The following ZNF414 variants were observed in gnomAD, a reference collection of about 807,000 sequenced individuals.
ZNF414 encodes zinc finger protein 414.
ZNF414 carries 32 observed loss-of-function variants against 38.3 expected under a neutral mutation model. That is an observed-to-expected ratio of 0.83 (90% CI 0.63 to 1.12). ZNF414 has a LOEUF of 1.12. ZNF414 is among the 50% of genes most tolerant of loss of function. ZNF414 has a pLI of 0.00. For missense variants in ZNF414, 589 were observed against 557.4 expected, an observed-to-expected ratio of 1.06 and a Z score of -0.57; for synonymous variants, 256 against 248.0, an observed-to-expected ratio of 1.03 and a Z score of -0.30.
chr19:8,512,266 C>A, intron 4 of ZNF414, 121 bp downstream of exon 4: 1 of 1,465,266 alleles, frequency 6.8e-7, no homozygotes, highest in Non-Finnish European at 9.2e-7. Context: ...GGGGCTTCCC[C>A]AAAGGCCCAC....
chr19:8,512,428 C>T lies in ZNF414; in HGVS notation c.489G>A (p.Val163=). The T allele has an allele frequency of 6.2e-7, 1 of 1,614,098 alleles. No individual in the cohort carries two copies. Among genetic ancestry groups the T allele is most frequent in the Non-Finnish European group, 8.5e-7 (1 of 1,180,018 alleles). The change falls in exon 4 of 8, where the codon GTG becomes GTA. Residue 163 remains valine, a synonymous_variant. Coordinates refer to ENST00000393927, the MANE Select transcript of ZNF414 (RefSeq NM_001146175.2). The part of the protein sequence containing the change: ...TETFPSMQEL[V]AHSKLHYKPN... ...GTTTGTAGTGCAGTTTGCTGTGAGC[C>T]ACCAGCTCCTGCATGCTGGGGAAGG...
Position 8,513,256 on chromosome 19 carries a change from G to A in ZNF414, c.89C>T (p.Pro30Leu), listed in dbSNP as rs780401276. ...SSETDKEVLS[P>L]AVPAAAPSSS... The stretch of plus-strand genomic sequence containing the variant: ...GGAAGGGGCTGCAGCTGGCACAGCC[G>A]GGGACAACACCTCCTTGTCGGTCTC... Residue 30 changes from proline to leucine, a missense_variant, in exon 2 of 8, where the codon CCG (proline) becomes CTG (leucine). Pro to Leu is a moderately conservative substitution (Grantham distance 98). Coordinates refer to ENST00000393927, the MANE Select transcript of ZNF414 (RefSeq NM_001146175.2). The A allele has an allele frequency of 1.1e-5, 17 of 1,593,686 alleles. No individual in the cohort carries two copies. Among genetic ancestry groups the A allele is most frequent in the South Asian group, 3.3e-5 (3 of 89,706 alleles).
Position 8,512,488 on chromosome 19 carries a change from C to A in ZNF414, c.429G>T (p.Lys143Asn). 1 of 1,614,108 alleles carries A rather than the reference C, an allele frequency of 6.2e-7. No homozygotes were observed. Among genetic ancestry groups the A allele is most frequent in the Non-Finnish European group, 8.5e-7 (1 of 1,180,012 alleles). Residue 143 changes from lysine to asparagine, a missense_variant, in exon 4 of 8, where the codon AAG becomes AAT. Coordinates refer to ENST00000393927, the MANE Select transcript of ZNF414 (RefSeq NM_001146175.2). ...AGCTCAGGGCTGAGCAGCGGAAGAG[C>A]TTGCCTGGTAGGGATGAAGGACAGA... Reference protein sequence around the residue: ...HCPPTQSLEGKLFRCSALSCT... With the variant: ...HCPPTQSLEGNLFRCSALSCT...
At chr19:8,511,386 G>A (rs1256687578) in intron 6 of ZNF414, 100 bp downstream of exon 6, 3 of 1,515,002 alleles carry the variant, frequency 2.0e-6, no homozygotes, top group African/African-American at 1.4e-5. Flanking sequence ...GTGCCCCCTG[G>A]GAAGGGGATG....
Position 8,512,377 on chromosome 19 carries a change from A to G in ZNF414, c.530+10T>C, listed in dbSNP as rs760989636. The G allele has an allele frequency of 3.1e-6, 5 of 1,613,176 alleles. No homozygotes were observed. The South Asian group carries it at 5.5e-5, about 18-fold the overall frequency. On this transcript the variant is annotated intron_variant, in intron 4 of 7. Coordinates refer to ENST00000393927, the MANE Select transcript of ZNF414 (RefSeq NM_001146175.2). ...AGGGCAGGGCGGAGCTCAAGAGGTCAGGGTCTCACTTGAAGTAGCGATTGG... is the reference window on the plus strand; with the variant it reads ...AGGGCAGGGCGGAGCTCAAGAGGTCGGGGTCTCACTTGAAGTAGCGATTGG...
At chr19:8,511,462 T>G in intron 6 of ZNF414, 24 bp downstream of exon 6, 4 of 1,608,940 alleles carry the variant, frequency 2.5e-6, no homozygotes, top group Non-Finnish European at 3.4e-6. Flanking sequence ...CCTCCACCCC[T>G]CCCTGGTGGT....
In ZNF414 at chr19:8,513,921, G is replaced by A. The variant is rs374724620; in HGVS notation, c.3+123C>T. 3.1e-5 allele frequency: 38 copies of A among 1,207,674 alleles called. 3 individuals carry two copies. The highest frequency in any genetic ancestry group is 1.3e-4 in the Admixed American group (3 of 23,944). The allele number at this position is 1,207,674 out of a possible 1,614,324, so 74.8% of individuals were successfully genotyped here. A position where few individuals can be genotyped will look rare whatever the true frequency, so the allele number is the denominator to read the frequency against. ...GAAGTAGGGCGCTCTCCGAGTGACA[G>A]CCAGCGGCGGACGGGTGCCCGGATG... On this transcript the variant is annotated intron_variant, in intron 1 of 7. Transcript: ENST00000393927.
At chr19:8,513,563 G>T (rs1419631896) in intron 1 of ZNF414, among the ~76,000 whole-genome samples, 2 of 152,190 alleles carry the variant, frequency 1.3e-5, no homozygotes, top group African/African-American at 4.8e-5. Context: ...AAAGTGCTGG[G>T]ATTAGAGTCG....
chr19:8,512,141 C>CCCGGGGAAAT, intron 4 of ZNF414, 181 bp from the exon 5 acceptor site: 1 of 1,426,808 alleles, frequency 7.0e-7, no homozygotes. Context: ...CCTGGGGAAA[C>CCCGGGGAAAT]CCGGAAAGAA....
At position 8,511,738 on chromosome 19, in the gene ZNF414, T is replaced by C; in HGVS notation, c.753A>G (p.Gly251=). ...CAGGGTTCAAGTAGGGCAGGAACGG[T>C]CCGGTGGGGGCAGGGGCGGGGGTCG... is the stretch of plus-strand genomic sequence containing the variant. ...PFTTPAPAPT[G]PFLPYLNPAP... The change falls in exon 5 of 8, where the codon GGA becomes GGG. Residue 251 remains glycine (G), a synonymous_variant. Transcript: ENST00000393927. 1 of 1,463,092 alleles carries C rather than the reference T, an allele frequency of 6.8e-7. No homozygotes were observed. The highest frequency in any genetic ancestry group is 9.0e-7 in the Non-Finnish European group (1 of 1,113,838). The allele number at this position is 1,463,092 out of a possible 1,614,324, so 90.6% of individuals were successfully genotyped here.
chr19:8,512,801 A>T (rs1971936976), intron 2 of ZNF414, 90 bp from the exon 3 acceptor site: 1 of 1,286,114 alleles, frequency 7.8e-7, no homozygotes, highest in South Asian at 1.6e-5. Flanking sequence ...AGCAAATATG[A>T]TGTGCTGGGG....
At position 8,511,809 on chromosome 19, in the gene ZNF414, G is replaced by A. The variant is rs1396670152; in HGVS notation, c.682C>T (p.Pro228Ser). The change falls in exon 5 of 8, where the codon CCC (proline) becomes TCC (serine). Residue 228 changes from proline to serine, a missense_variant. Coordinates refer to ENST00000393927, the MANE Select transcript of ZNF414 (RefSeq NM_001146175.2). The part of the protein sequence containing the change: ...PAPERPPEVD[P>S]ASAPGLPFPL... ...AACGGCAGGCCCGGCGCTGATGCGG[G>A]GTCAACCTCCGGGGGGCGCTCCGGC... The A allele has an allele frequency of 3.6e-6, 5 of 1,405,270 alleles. No individual in the cohort carries two copies. The highest frequency in any genetic ancestry group is 3.7e-6 in the Non-Finnish European group (4 of 1,088,386). 87.1% of individuals were successfully genotyped at this position (1,405,270 alleles called of 1,614,324 possible).
In ZNF414 at chr19:8,511,950, A is replaced by G; in HGVS notation, c.541T>C (p.Cys181Arg). ...CGGTGCGTGCGGAAGCGCAGGAGGC[A>G]GTTCTCACACCTGGAGGTGGGCAGA... ...KPNRYFKCEN[C>R]LLRFRTHRSL... The change falls in exon 5 of 8, where the codon TGC becomes CGC. Residue 181 changes from cysteine (C) to arginine (R), a missense_variant. By Grantham distance (180) the Cys-to-Arg change is radical (BLOSUM62 -3). Transcript: ENST00000393927. 2.1e-6 allele frequency: 3 copies of G among 1,416,090 alleles called. No individual in the cohort carries two copies. Among genetic ancestry groups the G allele is most frequent in the Non-Finnish European group, 2.7e-6 (3 of 1,093,478 alleles). The allele number at this position is 1,416,090 out of a possible 1,614,324, so 87.7% of individuals were successfully genotyped here.
In ZNF414 at chr19:8,511,701, G is replaced by A; in HGVS notation, c.790C>T (p.Leu264=). Residue 264 remains leucine (L), a synonymous_variant, in exon 5 of 8, where the codon CTA becomes TTA. Coordinates refer to ENST00000393927, the MANE Select transcript of ZNF414 (RefSeq NM_001146175.2). ...AAGGGGCGCAGGCGCGGGGGGCTTA[G>A]GCCAAAGGGCGCAGGGTTCAAGTAG... The part of the protein sequence containing the change: ...LPYLNPAPFG[L]SPPRLRPFLA... The A allele has an allele frequency of 2.0e-6, 3 of 1,489,772 alleles. No homozygotes were observed. Among genetic ancestry groups the A allele is most frequent in the South Asian group, 1.4e-5 (1 of 73,490 alleles). The allele number at this position is 1,489,772 out of a possible 1,614,324, so 92.3% of individuals were successfully genotyped here.
chr19:8,513,128 C>T lies in ZNF414; in HGVS notation c.217G>A (p.Asp73Asn). 6.5e-7 allele frequency: 1 copy of T among 1,540,868 alleles called. No homozygotes were observed. The highest frequency in any genetic ancestry group is 2.0e-5 in the Admixed American group (1 of 49,608). ...GMQQGSSPAP[D>N]SCQPGPGPSP... ...GGTCCGGGGCCAGGCTGGCAGCTGTCTGGGGCTGGGGAGGAGCCCTGCTGC... is the reference window on the plus strand; with the variant it reads ...GGTCCGGGGCCAGGCTGGCAGCTGTTTGGGGCTGGGGAGGAGCCCTGCTGC... Residue 73 changes from aspartate (D) to asparagine (N), a missense_variant, in exon 2 of 8, where the codon GAC (aspartate) becomes AAC (asparagine). Coordinates refer to ENST00000393927, the MANE Select transcript of ZNF414 (RefSeq NM_001146175.2).
chr19:8,512,188 G>A (rs1971927352), intron 4 of ZNF414, 199 bp downstream of exon 4: 1 of 1,429,984 alleles, frequency 7.0e-7, no homozygotes, highest in East Asian at 2.5e-5. Flanking sequence ...TTTTCCACTT[G>A]GGAGGTAAAG....
intron 5 of ZNF414, 24 bp downstream of exon 5, chr19:8,511,593 G>A: frequency 6.6e-7 from 1 of 1,523,776 alleles, no homozygotes; most frequent in Non-Finnish European, 8.8e-7. Context: ...CAGCCCTCCT[G>A]GAGGCCCCCG....
chr19:8,512,206 G>A lies in ZNF414; in HGVS notation c.530+181C>T, dbSNP rs141050836. 673 of 1,433,556 alleles carry A rather than the reference G, an allele frequency of 4.7e-4. 11 individuals are homozygous for A. The East Asian group carries it at 0.013, about 27-fold the overall frequency. 88.8% of individuals were successfully genotyped at this position (1,433,556 alleles called of 1,614,324 possible). On this transcript the variant is annotated intron_variant, in intron 4 of 7. Coordinates refer to ENST00000393927, the MANE Select transcript of ZNF414 (RefSeq NM_001146175.2). ...TCCACTTGGGAGGTAAAGCCTGGCT[G>A]GGTGGGGCCACGCCCACGTATGCCC...
At chr19:8,511,299 G>A in intron 6 of ZNF414, 187 bp downstream of exon 6, 4 of 1,430,230 alleles carry the variant, frequency 2.8e-6, no homozygotes, top group Middle Eastern at 2.6e-4. Context: ...GTTTATACGG[G>A]AACGCCGGCG....
Sources: gnomAD v4.1 joint callset for allele counts (sites outside exome capture counted in the v4.1 genomes callset) on GRCh38, gnomAD v4.1.1 for gene constraint, MANE v1.5 for transcripts, NCBI Gene and HGNC (gene_info 2026-07-23, HGNC 2026-07-21) for gene names.